CPLX1: variants seen among roughly 807,000 people sequenced by gnomAD.
CPLX1 encodes complexin-1.
In CPLX1, 6 loss-of-function variants were observed where a neutral mutation model predicts 15.6. That is an observed-to-expected ratio of 0.39 (90% confidence interval 0.21 to 0.76). The LOEUF is 0.76. Ranked by LOEUF, CPLX1 falls within the 30% of genes least tolerant of loss-of-function variation. The probability of loss-of-function intolerance (pLI) is 0.43; values close to 1 mark genes in which losing one functional copy is unlikely to be tolerated. For synonymous variants in CPLX1, 91 were observed against 75.2 expected (o/e 1.21, Z -1.08); for missense variants, 242 against 188.6 (o/e 1.28, Z -1.66).
At chr4:807,593 G>T (rs547849114) in intron 2 of CPLX1, among the ~76,000 whole-genome samples, 1 of 152,030 alleles carries the variant, frequency 6.6e-6, no homozygotes, top group South Asian at 2.1e-4. Context: ...TCCTGCCTCA[G>T]CCTCCCAAGT....
At chr4:818,693 G>A (rs1366162087) in intron 2 of CPLX1, among the ~76,000 whole-genome samples, 6 of 152,256 alleles carry the variant, frequency 3.9e-5, no homozygotes, top group African/African-American at 1.2e-4. Flanking sequence ...GGAAACCGGC[G>A]GCTGCGCCAT....
At chr4:824,885 G>GA (rs1427775848) in intron 1 of CPLX1, 2 of 450,986 alleles carry the variant, frequency 4.4e-6, no homozygotes, top group Non-Finnish European at 8.4e-6. Flanking sequence ...GCGCCAGGCT[G>GA]CGGAAGCAGG....
At chr4:825,779 C>T (rs1560249475) in intron 1 of CPLX1, among the ~76,000 whole-genome samples, 1 of 121,886 alleles carries the variant, frequency 8.2e-6, no homozygotes, top group African/African-American at 3.1e-5. Context: ...GGGGAGAAGC[C>T]GGGGTCGGGG....
intron 2 of CPLX1, among the ~76,000 whole-genome samples, chr4:793,719 C>G (rs1452102047): frequency 6.6e-6 from 1 of 152,192 alleles, no homozygotes; most frequent in Non-Finnish European, 1.5e-5. Flanking sequence ...GCAAATGCCG[C>G]TCTCCCCCCG....
chr4:810,241 G>A (rs1746641424), intron 2 of CPLX1, among the ~76,000 whole-genome samples: 1 of 151,752 alleles, frequency 6.6e-6, no homozygotes, highest in Admixed American at 6.6e-5. Context: ...AGTAGAGACG[G>A]GGTTTCACCA....
rs1223121509 is a variant in CPLX1 at position 786,512 on chromosome 4, G to A, written c.394C>T (p.Leu132Phe). Residue 132 changes from leucine to phenylalanine, a missense_variant, in exon 4 of 4, where the codon CTC becomes TTC. Physicochemically the swap from Leu to Phe is conservative, Grantham distance 22 (BLOSUM62 0). Transcript: ENST00000304062. ...TGTCCCGCGCGCGGCTACTTCTTGA[G>A]CATGTCCTGCAGCGGCCCGGGCAGG... Reference protein sequence around the residue: ...KYLPGPLQDMLKK With the variant: ...KYLPGPLQDMFKK 1.9e-6 allele frequency: 3 copies of A among 1,589,196 alleles called. No individual in the cohort carries two copies. Among genetic ancestry groups the A allele is most frequent in the Non-Finnish European group, 2.6e-6 (3 of 1,167,494 alleles).
chr4:791,843 G>A (rs964377580), intron 3 of CPLX1, among the ~76,000 whole-genome samples: 1 of 152,218 alleles, frequency 6.6e-6, no homozygotes, highest in Non-Finnish European at 1.5e-5. Flanking sequence ...GACTCCTCCA[G>A]GCTGATGTCT....
intron 2 of CPLX1, among the ~76,000 whole-genome samples, chr4:802,174 TAGAC>T (rs1436571536): frequency 1.3e-5 from 2 of 152,210 alleles, no homozygotes; most frequent in Non-Finnish European, 1.5e-5. Flanking sequence ...AACAGGTGAA[TAGAC>T]AAACTGTGGT....
intron 2 of CPLX1, among the ~76,000 whole-genome samples, chr4:816,249 C>T (rs1265642320): frequency 7.3e-6 from 1 of 136,726 alleles, no homozygotes; most frequent in African/African-American, 2.8e-5. Context: ...GACAGAGTCT[C>T]ACTCTGTCAC....
At chr4:817,617 CATA>C (rs1450482799) in intron 2 of CPLX1, among the ~76,000 whole-genome samples, 4 of 152,032 alleles carry the variant, frequency 2.6e-5, no homozygotes, top group Admixed American at 6.6e-5. Flanking sequence ...CAAGACCCAG[CATA>C]ATCAGGATAA....
At chr4:792,324 A>C in intron 3 of CPLX1, 109 bp downstream of exon 3, 2 of 954,854 alleles carry the variant, frequency 2.1e-6, no homozygotes, top group African/African-American at 1.8e-5. Flanking sequence ...TAGGAGGCCC[A>C]GGGGGACGCC....
intron 2 of CPLX1, among the ~76,000 whole-genome samples, chr4:793,691 T>G (rs10902759): frequency 6.6e-6 from 1 of 152,028 alleles, no homozygotes; most frequent in Admixed American, 6.5e-5. Context: ...GAGGGGACTC[T>G]GGCCACACGT....
At chr4:815,650 C>A (rs1746739001) in intron 2 of CPLX1, among the ~76,000 whole-genome samples, 1 of 152,152 alleles carries the variant, frequency 6.6e-6, no homozygotes, top group African/African-American at 2.4e-5. Context: ...CTGAGTGGGG[C>A]AGCTTAAGAA....
intron 3 of CPLX1, among the ~76,000 whole-genome samples, chr4:790,048 GCCACGCCTGAGGGCAGC>G (rs1257452670): frequency 3.0e-5 from 3 of 99,664 alleles, no homozygotes; most frequent in Non-Finnish European, 6.2e-5. Context: ...CCCCCCAAAG[GCCACGCCTGAGGGCAGC>G]GTTCCCCCAC....
At chr4:795,386 G>A (rs765799178) in intron 2 of CPLX1, among the ~76,000 whole-genome samples, 23 of 152,128 alleles carry the variant, frequency 1.5e-4, no homozygotes, top group African/African-American at 5.6e-4. Context: ...CTGGAAGCAT[G>A]AGCTGCATCC....
At chr4:805,765 C>T (rs1177056704) in intron 2 of CPLX1, among the ~76,000 whole-genome samples, 1 of 152,130 alleles carries the variant, frequency 6.6e-6, no homozygotes, top group Non-Finnish European at 1.5e-5. Context: ...GAATATTATG[C>T]AGCCTTAAAA....
chr4:798,267 C>A (rs1409101510), intron 2 of CPLX1, among the ~76,000 whole-genome samples: 1 of 119,816 alleles, frequency 8.3e-6, no homozygotes, highest in South Asian at 2.7e-4. Flanking sequence ...AGTGAGACTC[C>A]GTCTCAAAAA....
intron 2 of CPLX1, among the ~76,000 whole-genome samples, chr4:804,091 G>A (rs1031568634): frequency 2.0e-5 from 3 of 152,248 alleles, no homozygotes; most frequent in African/African-American, 2.4e-5. Flanking sequence ...GCACCACACG[G>A]CCTGGGCGTG....
At chr4:797,046 C>G (rs112797508) in intron 2 of CPLX1, among the ~76,000 whole-genome samples, 8 of 152,312 alleles carry the variant, frequency 5.3e-5, no homozygotes, top group African/African-American at 1.9e-4. Context: ...GGACAGGATA[C>G]TTAATGGGAA....
Sources: allele counts gnomAD v4.1 joint callset (sites outside exome capture counted in the v4.1 genomes callset), GRCh38; gene constraint gnomAD v4.1.1; transcripts MANE v1.5; gene names NCBI Gene and HGNC (gene_info 2026-07-23, HGNC 2026-07-21).